NRDE2: variants seen among roughly 807,000 people sequenced by gnomAD.
The protein encoded by NRDE2 is NRDE-2, necessary for RNA interference, domain containing, also known as nuclear exosome regulator NRDE2.
In NRDE2, 76 loss-of-function variants were observed where a neutral mutation model predicts 124.2. The observed-to-expected ratio is 0.61, with a 90% confidence interval of 0.51 to 0.74. The LOEUF (loss-of-function observed/expected upper bound fraction) is 0.74. Ranked by LOEUF, NRDE2 falls within the 30% of genes least tolerant of loss-of-function variation. The pLI, the probability that NRDE2 is intolerant of heterozygous loss-of-function variation, is 0.00. For missense variants in NRDE2, 1,314 were observed against 1,417.3 expected, an observed-to-expected ratio of 0.93 and a Z score of 1.17; for synonymous variants, 489 against 528.1, an observed-to-expected ratio of 0.93 and a Z score of 1.01.
At position 90,290,407 on chromosome 14, in the gene NRDE2, G is replaced by A. The variant is rs1030861316; in HGVS notation, c.2043C>T (p.Asn681=). The A allele has an allele frequency of 1.9e-6, 3 of 1,613,890 alleles. No individual in the cohort carries two copies. Among genetic ancestry groups the A allele is most frequent in the African/African-American group, 1.3e-5 (1 of 74,874 alleles). Residue 681 remains asparagine, a synonymous_variant, in exon 10 of 14, where the codon AAC becomes AAT. Coordinates refer to ENST00000354366, the MANE Select transcript of NRDE2 (RefSeq NM_017970.4). ...CACAGCTAGCCCCAGAAAACAAAGG[G>A]TTGAAAAAAGTCAAGGGCTTTTCAT... ...LYDEKPLTFF[N]PLFSGASCVG...
chr14:90,268,265 G>T lies in NRDE2; in HGVS notation c.*10071C>A. 1 of 1,605,196 alleles carries T rather than the reference G, an allele frequency of 6.2e-7. No homozygotes were observed. On this transcript the variant is annotated 3_prime_UTR_variant, in exon 14 of 14. Transcript: ENST00000354366. ...CAAAGCAGTAGCAAACCAAACCTCA[G>T]CCACTTTCTTGAGAGTGGTTGGCTC...
intron 1 of NRDE2, 118 bp downstream of exon 1, chr14:90,331,723 G>A: frequency 8.6e-7 from 1 of 1,165,668 alleles, no homozygotes; most frequent in African/African-American, 1.5e-5. Flanking sequence ...TTGCAGCGCC[G>A]CGGAGAACTC....
At position 90,269,272 on chromosome 14, in the gene NRDE2, G is replaced by C; in HGVS notation, c.*9064C>G. On this transcript the variant is annotated 3_prime_UTR_variant, in exon 14 of 14. Coordinates refer to ENST00000354366, the MANE Select transcript of NRDE2 (RefSeq NM_017970.4). ...ATTTTTTCCGAGCATAATTGAGGGA[G>C]TGCCATGTGAGTTGAAACAGGAATG... 1.3e-6 allele frequency: 1 copy of C among 786,448 alleles called. No homozygotes were observed. The highest frequency in any genetic ancestry group is 2.0e-6 in the Non-Finnish European group (1 of 502,704). 48.7% of individuals were successfully genotyped at this position (786,448 alleles called of 1,614,324 possible).
intron 1 of NRDE2, among the ~76,000 whole-genome samples, chr14:90,325,225 T>C (rs571965374): frequency 6.6e-6 from 1 of 152,312 alleles, no homozygotes; most frequent in East Asian, 1.9e-4. Flanking sequence ...CTTCCCCAAA[T>C]ATGGATAATA....
At chr14:90,284,289 T>G (rs911118002) in intron 12 of NRDE2, among the ~76,000 whole-genome samples, 1 of 152,144 alleles carries the variant, frequency 6.6e-6, no homozygotes, top group African/African-American at 2.4e-5. Flanking sequence ...ATTTATCCTA[T>G]GGAAATCTTC....
intron 3 of NRDE2, among the ~76,000 whole-genome samples, chr14:90,313,432 C>A (rs1884925123): frequency 6.6e-6 from 1 of 152,112 alleles, no homozygotes; most frequent in Non-Finnish European, 1.5e-5. Flanking sequence ...GGCTCAGCCT[C>A]ATTTTTATGG....
At chr14:90,279,732 A>G (rs1053290138) in intron 12 of NRDE2, 4 of 152,344 alleles carry the variant, frequency 2.6e-5, no homozygotes, top group African/African-American at 9.7e-5. Flanking sequence ...CCTCCTTCCC[A>G]GCCCAGTGTG....
chr14:90,328,486 A>C (rs984881413), intron 1 of NRDE2, among the ~76,000 whole-genome samples: 13 of 152,166 alleles, frequency 8.5e-5, no homozygotes, highest in African/African-American at 3.1e-4. Flanking sequence ...CCTAAACAAT[A>C]ATCATAAATG....
At chr14:90,325,578 T>C (rs902459988) in intron 1 of NRDE2, among the ~76,000 whole-genome samples, 1 of 152,142 alleles carries the variant, frequency 6.6e-6, no homozygotes, top group Non-Finnish European at 1.5e-5. Context: ...CAGGCTGGAG[T>C]GCAGTGGTGA....
At position 90,290,387 on chromosome 14, in the gene NRDE2, C is replaced by T. The variant is rs370944520; in HGVS notation, c.2063G>A (p.Ser688Asn). The T allele has an allele frequency of 6.2e-7, 1 of 1,614,036 alleles. No homozygotes were observed. The highest frequency in any genetic ancestry group is 1.3e-5 in the African/African-American group (1 of 74,926). Reference protein sequence around the residue: ...TFFNPLFSGASCVGRMDRLGY... With the variant: ...TFFNPLFSGANCVGRMDRLGY... ...CAACCTATCCATGCGGCCAACACAG[C>T]TAGCCCCAGAAAACAAAGGGTTGAA... The change falls in exon 10 of 14, where the codon AGC becomes AAC. Residue 688 changes from serine (S) to asparagine (N), a missense_variant. Transcript: ENST00000354366.
In NRDE2 at chr14:90,288,515, A is replaced by C. The variant is rs772582454; in HGVS notation, c.2860T>G (p.Trp954Gly). The change falls in exon 11 of 14, where the codon TGG (tryptophan) becomes GGG (glycine). Residue 954 changes from tryptophan (W) to glycine (G), a missense_variant. Coordinates refer to ENST00000354366, the MANE Select transcript of NRDE2 (RefSeq NM_017970.4). ...GTGATGGCTTCGAGAACACTGGTCC[A>C]ACTCTGGGAGCTGGCACTGTCCCCC... The part of the protein sequence containing the change: ...GEGDSASSQS[W>G]TSVLEAITLM... 1 of 1,614,178 alleles carries C rather than the reference A, an allele frequency of 6.2e-7. No individual in the cohort carries two copies. The highest frequency in any genetic ancestry group is 1.1e-5 in the South Asian group (1 of 91,074).
chr14:90,331,808 C>T, intron 1 of NRDE2, 33 bp downstream of exon 1: 1 of 1,612,094 alleles, frequency 6.2e-7, no homozygotes, highest in Non-Finnish European at 8.5e-7. Context: ...TTAAGCCCCC[C>T]AGGTGCCTTC....
chr14:90,325,447 T>C (rs1242400986), intron 1 of NRDE2, among the ~76,000 whole-genome samples: 1 of 152,182 alleles, frequency 6.6e-6, no homozygotes, highest in Non-Finnish European at 1.5e-5. Context: ...TATTCTTGTT[T>C]CCTGAAAGAA....
At chr14:90,278,723 GT>G in intron 13 of NRDE2, 1 of 540,324 alleles carries the variant, frequency 1.9e-6, no homozygotes, top group Non-Finnish European at 3.3e-6. Context: ...GTCGCCCTCA[GT>G]TTCACTTCTG....
intron 12 of NRDE2, among the ~76,000 whole-genome samples, chr14:90,285,874 A>G (rs746089522): frequency 6.6e-6 from 1 of 152,130 alleles, no homozygotes; most frequent in Middle Eastern, 3.4e-3. Flanking sequence ...GGCTCAGACG[A>G]TTTTCCCGCC....
chr14:90,321,877 C>T (rs1282816589), intron 1 of NRDE2, among the ~76,000 whole-genome samples: 2 of 152,150 alleles, frequency 1.3e-5, no homozygotes, highest in African/African-American at 4.8e-5. Context: ...ACATGAAGAA[C>T]AGAAAAGGCA....
At chr14:90,289,168 G>A (rs770670002) in intron 10 of NRDE2, 23 bp from the exon 11 acceptor site, 1 of 1,566,934 alleles carries the variant, frequency 6.4e-7, no homozygotes, top group South Asian at 1.2e-5. Context: ...AGAGAAGAAT[G>A]ACTGCAGGTG....
Position 90,268,453 on chromosome 14 carries a change from A to T in NRDE2, c.*9883T>A, listed in dbSNP as rs779517549. Reference sequence around the variant, plus strand: ...ACTTATTTTGCCTTGTTTAGTAGGGAACACCGCATAGCTCTTCTCTTGAGA... The same window carrying T: ...ACTTATTTTGCCTTGTTTAGTAGGGTACACCGCATAGCTCTTCTCTTGAGA... On this transcript the variant is annotated 3_prime_UTR_variant, in exon 14 of 14. Coordinates refer to ENST00000354366, the MANE Select transcript of NRDE2 (RefSeq NM_017970.4). The T allele has an allele frequency of 6.3e-7, 1 of 1,585,458 alleles. No individual in the cohort carries two copies.
At chr14:90,329,492 C>A (rs1421174824) in intron 1 of NRDE2, among the ~76,000 whole-genome samples, 3 of 151,718 alleles carry the variant, frequency 2.0e-5, no homozygotes, top group Non-Finnish European at 4.4e-5. Flanking sequence ...TTGAGCCCAG[C>A]AGTCTGAGAT....
Sources: allele counts gnomAD v4.1 joint callset (sites outside exome capture counted in the v4.1 genomes callset), GRCh38; gene constraint gnomAD v4.1.1; transcripts MANE v1.5; gene names NCBI Gene and HGNC (gene_info 2026-07-23, HGNC 2026-07-21).